Variants in ATR observed in about 807,000 individuals in gnomAD.
The protein encoded by ATR is ATR checkpoint kinase, also known as serine/threonine-protein kinase ATR.
ATR carries 142 observed loss-of-function variants against 305.3 expected under a neutral mutation model. That is an observed-to-expected ratio of 0.47 (90% CI 0.41 to 0.53). ATR has a LOEUF of 0.53. Ranked by LOEUF, ATR falls within the 20% of genes least tolerant of loss-of-function variation. ATR has a pLI of 0.00. For synonymous variants in ATR, 1,050 were observed against 1,068.1 expected (o/e 0.98, Z 0.33); for missense variants, 2,135 against 3,133.1 (o/e 0.68, Z 7.60).
chr3:142,466,010 C>CA (rs143485594), intron 40 of ATR, among the ~76,000 whole-genome samples: 2,140 of 68,270 alleles, frequency 0.031, 53 homozygotes, highest in African/African-American at 0.084. Context: ...ACCCTGTTTC[C>CA]AAAAAAAAAA....
chr3:142,577,447 G>C (rs549227747), intron 1 of ATR, among the ~76,000 whole-genome samples: 1 of 152,196 alleles, frequency 6.6e-6, no homozygotes, highest in Non-Finnish European at 1.5e-5. Context: ...TCTTCTTTTA[G>C]AGAGGTAGAG....
At chr3:142,496,324 A>ACACATACATATATATATG in intron 34 of ATR, 37 bp downstream of exon 34, 1 of 316,468 alleles carries the variant, frequency 3.2e-6, no homozygotes, top group African/African-American at 3.5e-5. Flanking sequence ...ATATATATAT[A>ACACATACATATATATATG]TATATATATA....
chr3:142,485,961 T>C (rs370109224), intron 35 of ATR, among the ~76,000 whole-genome samples: 80 of 152,356 alleles, frequency 5.3e-4, no homozygotes, highest in African/African-American at 1.6e-3. Flanking sequence ...CTTCAATATG[T>C]TTCTGTTGTC....
chr3:142,504,125 GA>G (rs1559945031), intron 29 of ATR, among the ~76,000 whole-genome samples: 2 of 152,166 alleles, frequency 1.3e-5, no homozygotes, highest in African/African-American at 4.8e-5. Context: ...AAATTAGAAA[GA>G]ATCTAAAGGC....
In ATR at chr3:142,578,693, A is replaced by T. The variant is rs1233303480; in HGVS notation, c.12T>A (p.His4Gln). The change falls in exon 1 of 47, where the codon CAT becomes CAA. Residue 4 changes from histidine (H) to glutamine (Q), a missense_variant. Transcript: ENST00000350721. The part of the protein sequence containing the change: MGE[H>Q]GLELASMIPA... ...GGATCATGGAAGCCAGCTCCAGGCC[A>T]TGTTCCCCCATGCTGAGGCTGCGAG... 1 of 1,613,276 alleles carries T rather than the reference A, an allele frequency of 6.2e-7. No individual in the cohort carries two copies. The highest frequency in any genetic ancestry group is 8.5e-7 in the Non-Finnish European group (1 of 1,179,776).
chr3:142,576,556 A>T (rs1269359076), intron 1 of ATR, among the ~76,000 whole-genome samples: 1 of 152,254 alleles, frequency 6.6e-6, no homozygotes, highest in Non-Finnish European at 1.5e-5. Context: ...GTACTGAGAT[A>T]TCTCTACTTC....
chr3:142,451,006 C>T (rs978734412), intron 46 of ATR: 1 of 1,245,980 alleles, frequency 8.0e-7, no homozygotes, highest in African/African-American at 1.6e-5. Flanking sequence ...TGAACTACAC[C>T]ATCAATTCCG....
chr3:142,453,088 T>G, intron 46 of ATR, 40 bp downstream of exon 46: 1 of 1,613,264 alleles, frequency 6.2e-7, no homozygotes, highest in East Asian at 2.2e-5. Context: ...TTTGTAGAGA[T>G]GAGGACTACA....
In ATR at chr3:142,524,073, A is replaced by C. The variant is rs2033269364; in HGVS notation, c.4072T>G (p.Leu1358Val). 6.2e-7 allele frequency: 1 copy of C among 1,613,960 alleles called. No individual in the cohort carries two copies. Among genetic ancestry groups the C allele is most frequent in the Non-Finnish European group, 8.5e-7 (1 of 1,180,000 alleles). The change falls in exon 22 of 47, where the codon TTA (leucine) becomes GTA (valine). Residue 1358 changes from leucine (L) to valine (V), a missense_variant. By Grantham distance (32) the Leu-to-Val change is conservative. Transcript: ENST00000350721. ...GGATCTATCGCCCCCAATTCCCCTA[A>C]ACATTCCCCACAGAGCAACCGAGCT... ...SQARLLCGEC[L>V]GELGAIDPGR...
In ATR at chr3:142,566,090, G is replaced by A. The variant is rs183519617; in HGVS notation, c.292+31C>T. On this transcript the variant is annotated intron_variant, in intron 3 of 46. Transcript: ENST00000350721. The stretch of plus-strand genomic sequence containing the variant: ...AAAAGGAGGATTTTATAGAACAGAT[G>A]GCAAGTGAATGCATGAATAACAGCA... The A allele has an allele frequency of 1.9e-6, 3 of 1,613,412 alleles. No homozygotes were observed. The East Asian group carries it at 6.7e-5, about 36-fold the overall frequency.
intron 34 of ATR, 32 bp from the exon 35 acceptor site, chr3:142,493,343 A>G: frequency 1.3e-6 from 2 of 1,569,116 alleles, no homozygotes; most frequent in Middle Eastern, 1.7e-4. Context: ...TAAGCCTTTT[A>G]ATTTAAAAAC....
At position 142,457,767 on chromosome 3, in the gene ATR, T is replaced by A; in HGVS notation, c.7504-12A>T. ...TCAAAGGTTTCTCCCTTAGAAACAA[T>A]ACATTTTATTACAAACTAACAATGT... On this transcript the variant is annotated splice_polypyrimidine_tract_variant and intron_variant, in intron 44 of 46. Transcript: ENST00000350721. The A allele has an allele frequency of 6.2e-7, 1 of 1,612,180 alleles. No individual in the cohort carries two copies. The highest frequency in any genetic ancestry group is 8.5e-7 in the Non-Finnish European group (1 of 1,178,456).
In ATR at chr3:142,568,694, C is replaced by A. The variant is rs546705865; in HGVS notation, c.60-540G>T. On this transcript the variant is annotated intron_variant, in intron 1 of 46. Coordinates refer to ENST00000350721, the MANE Select transcript of ATR (RefSeq NM_001184.4). ...CCTGCTCTTTCCAGGGCCGGGAAGG[C>A]CCCCTGCCCTCACAGACTTGGAAAT... Among the ~76,000 whole-genome samples, 257 of 152,332 alleles carry A rather than the reference C, an allele frequency of 1.7e-3. 2 individuals are homozygous for A. The highest frequency in any genetic ancestry group is 5.7e-3 in the African/African-American group (239 of 41,588).
chr3:142,476,183 A>G (rs950027916), intron 36 of ATR, among the ~76,000 whole-genome samples: 6 of 152,092 alleles, frequency 3.9e-5, no homozygotes, highest in Admixed American at 6.6e-5. Flanking sequence ...CCTATGTCCC[A>G]AATGGTATTG....
chr3:142,498,562 A>C, intron 32 of ATR, 35 bp downstream of exon 32: 1 of 1,602,732 alleles, frequency 6.2e-7, no homozygotes, highest in African/African-American at 1.3e-5. Flanking sequence ...TGACATTTAT[A>C]GGCCAGAAAT....
intron 21 of ATR, among the ~76,000 whole-genome samples, chr3:142,527,784 T>A (rs954363655): frequency 6.6e-6 from 1 of 152,204 alleles, no homozygotes; most frequent in Non-Finnish European, 1.5e-5. Context: ...AGTTTTAGTA[T>A]AATGAAGTAT....
At chr3:142,501,094 C>A (rs1252931795) in intron 30 of ATR, among the ~76,000 whole-genome samples, 3 of 152,052 alleles carry the variant, frequency 2.0e-5, no homozygotes, top group Admixed American at 2.0e-4. Context: ...AGAAATTACC[C>A]CAAGAAAAAC....
At chr3:142,462,707 A>T (rs973738737) in intron 41 of ATR, among the ~76,000 whole-genome samples, 35 of 152,212 alleles carry the variant, frequency 2.3e-4, no homozygotes, top group Admixed American at 2.2e-3. Context: ...TGACCTAGTG[A>T]TCCGCCTGCC....
intron 36 of ATR, among the ~76,000 whole-genome samples, chr3:142,475,980 G>C (rs1280092570): frequency 1.3e-5 from 2 of 152,122 alleles, no homozygotes; most frequent in Non-Finnish European, 2.9e-5. Flanking sequence ...GTTCTTTGTA[G>C]ATTCTGGATA....
Sources: allele counts gnomAD v4.1 joint callset (sites outside exome capture counted in the v4.1 genomes callset), GRCh38; gene constraint gnomAD v4.1.1; transcripts MANE v1.5; gene names NCBI Gene and HGNC (gene_info 2026-07-23, HGNC 2026-07-21).